CNTNAP2: variants seen among roughly 807,000 people sequenced by gnomAD.
CNTNAP2 encodes the protein contactin-associated protein-like 2.
In CNTNAP2, 98 loss-of-function variants were observed where a neutral mutation model predicts 155.2. The observed-to-expected ratio is 0.63, with a 90% CI of 0.54 to 0.75. CNTNAP2 has a LOEUF of 0.75. CNTNAP2 is among the 30% of genes least tolerant of loss of function. The pLI is 0.00. For missense variants in CNTNAP2, 1,727 were observed against 1,688.1 expected (o/e 1.02, Z -0.40); for synonymous variants, 651 against 631.2 (o/e 1.03, Z -0.47).
intron 2 of CNTNAP2, among the ~76,000 whole-genome samples, chr7:146,775,951 T>A (rs1293134700): frequency 4.6e-5 from 7 of 152,130 alleles, no homozygotes; most frequent in African/African-American, 1.7e-4. Context: ...CTGATATTCA[T>A]CAGGCTATGG....
chr7:146,926,467 T>C (rs1796611636), intron 3 of CNTNAP2, among the ~76,000 whole-genome samples: 1 of 152,110 alleles, frequency 6.6e-6, no homozygotes, highest in Non-Finnish European at 1.5e-5. Context: ...GACTGTGAGT[T>C]TCCTAGGTAG....
chr7:146,645,138 A>G (rs1209287486), intron 1 of CNTNAP2, among the ~76,000 whole-genome samples: 1 of 152,232 alleles, frequency 6.6e-6, no homozygotes, highest in Non-Finnish European at 1.5e-5. Context: ...ACTGATATGT[A>G]CTTTGATAAT....
In CNTNAP2 at chr7:146,931,183, G is replaced by A. The variant is rs764188750; in HGVS notation, c.402+91279G>A. ...TATTCCAAAATTGACCACATAGTTGGAAGTAAAGCTCTCCTCAGCAAATGT... is the reference window on the plus strand; with the variant it reads ...TATTCCAAAATTGACCACATAGTTGAAAGTAAAGCTCTCCTCAGCAAATGT... On this transcript the variant is annotated intron_variant, in intron 3 of 23. Transcript: ENST00000361727. Among the ~76,000 whole-genome samples the A allele has an allele frequency of 2.4e-3, 368 of 151,978 alleles. 4 individuals are homozygous for A. Among genetic ancestry groups the A allele is most frequent in the Middle Eastern group, 6.8e-3 (2 of 294 alleles).
chr7:148,107,073 G>C (rs980375039), intron 15 of CNTNAP2, among the ~76,000 whole-genome samples: 14 of 152,130 alleles, frequency 9.2e-5, no homozygotes, highest in African/African-American at 3.4e-4. Context: ...AAAAATCTTA[G>C]ACTTGTTCCC....
At chr7:147,509,896 C>T (rs886874261) in intron 11 of CNTNAP2, among the ~76,000 whole-genome samples, 2 of 152,028 alleles carry the variant, frequency 1.3e-5, no homozygotes, top group Admixed American at 6.6e-5. Context: ...TACTGAACTT[C>T]GATACCACCA....
At chr7:147,469,571 T>A (rs1235738812) in intron 10 of CNTNAP2, among the ~76,000 whole-genome samples, 7 of 133,498 alleles carry the variant, frequency 5.2e-5, no homozygotes, top group Non-Finnish European at 1.1e-4. Context: ...CAGGCTGGAG[T>A]GCAGTGGCGC....
chr7:148,334,171 T>C (rs1241334852), intron 21 of CNTNAP2, among the ~76,000 whole-genome samples: 1 of 152,208 alleles, frequency 6.6e-6, no homozygotes, highest in East Asian at 1.9e-4. Context: ...GAGTCTAGTT[T>C]GATCTGAGTT....
intron 10 of CNTNAP2, among the ~76,000 whole-genome samples, chr7:147,396,738 T>C (rs1796822996): frequency 6.6e-6 from 1 of 152,018 alleles, no homozygotes; most frequent in South Asian, 2.1e-4. Context: ...GAAGTTAACC[T>C]AGTGAATTTA....
At chr7:146,296,863 A>C (rs1800522186) in intron 1 of CNTNAP2, among the ~76,000 whole-genome samples, 1 of 152,124 alleles carries the variant, frequency 6.6e-6, no homozygotes, top group African/African-American at 2.4e-5. Flanking sequence ...CTTAAAGTTC[A>C]GATTTTCAGA....
At chr7:147,245,736 T>G (rs1000897576) in intron 8 of CNTNAP2, among the ~76,000 whole-genome samples, 1 of 105,394 alleles carries the variant, frequency 9.5e-6, no homozygotes, top group African/African-American at 3.8e-5. Context: ...CACTCCAGCC[T>G]AGGCAAAAGA....
chr7:147,486,114 C>CTTGATTAT, intron 11 of CNTNAP2, 73 bp downstream of exon 11: 1 of 1,264,432 alleles, frequency 7.9e-7, no homozygotes, highest in Non-Finnish European at 1.2e-6. Flanking sequence ...TGCTTTGAAG[C>CTTGATTAT]TCAGCAACCT....
intron 1 of CNTNAP2, among the ~76,000 whole-genome samples, chr7:146,600,181 G>A (rs1798928719): frequency 6.6e-6 from 1 of 152,044 alleles, no homozygotes; most frequent in African/African-American, 2.4e-5. Flanking sequence ...TTCAGGAGCA[G>A]GAAAATGAAG....
chr7:148,172,397 G>T lies in CNTNAP2; in HGVS notation c.2929G>T (p.Gly977Ter). The change falls in exon 18 of 24, where the codon GGA becomes TGA. Residue 977 changes from glycine (G) to a stop codon, truncating the protein, a stop_gained. Coordinates refer to ENST00000361727, the MANE Select transcript of CNTNAP2 (RefSeq NM_014141.6). LOFTEE classifies it high-confidence loss of function. ...CTSYGTNCEN[G>*]GKCLERYHGY... ...CAGCTATGGAACAAACTGTGAAAAT[G>T]GAGGCAAATGCCTAGAGAGATACCA... 1 of 1,614,136 alleles carries T rather than the reference G, an allele frequency of 6.2e-7. No homozygotes were observed. Among genetic ancestry groups the T allele is most frequent in the Non-Finnish European group, 8.5e-7 (1 of 1,180,032 alleles).
At chr7:146,640,291 C>T (rs10236933) in intron 1 of CNTNAP2, among the ~76,000 whole-genome samples, 106,639 of 152,126 alleles carry the variant, frequency 0.7, 38,046 homozygotes, top group South Asian at 0.84. Context: ...AGGAAAGATA[C>T]GTTTCTTCTC....
At chr7:146,204,888 G>A (rs539856832) in intron 1 of CNTNAP2, among the ~76,000 whole-genome samples, 4 of 151,980 alleles carry the variant, frequency 2.6e-5, no homozygotes, top group Admixed American at 6.6e-5. Context: ...TCAAATTGAA[G>A]CCAGACATGG....
intron 12 of CNTNAP2, among the ~76,000 whole-genome samples, chr7:147,563,231 A>C (rs1412479323): frequency 6.6e-6 from 1 of 152,228 alleles, no homozygotes; most frequent in Non-Finnish European, 1.5e-5. Context: ...GTATGAATAC[A>C]ATAAGGTAAT....
Position 147,898,095 on chromosome 7 carries a change from G to A in CNTNAP2, c.2099-5470G>A, listed in dbSNP as rs114195708. Among the ~76,000 whole-genome samples, 1,481 of 152,258 alleles carry A rather than the reference G, an allele frequency of 9.7e-3. 29 individuals carry two copies. Among genetic ancestry groups the A allele is most frequent in the African/African-American group, 0.034 (1,397 of 41,534 alleles). ...TTCTTTAATGTGGGTGCCAAAAATG[G>A]TCATGCCAAGGGAAAATAATAACTT... On this transcript the variant is annotated intron_variant, in intron 13 of 23. Transcript: ENST00000361727.
At position 148,243,595 on chromosome 7, in the gene CNTNAP2, C is replaced by CCTCTT. The variant is rs1796198581; in HGVS notation, c.3381+13817_3381+13821dup. 1.3e-5 allele frequency among the ~76,000 whole-genome samples: 2 copies of CCTCTT among 152,008 alleles called. 1 individual carries two copies. The highest frequency in any genetic ancestry group is 4.1e-4 in the South Asian group (2 of 4,822). On this transcript the variant is annotated intron_variant, in intron 20 of 23. Transcript: ENST00000361727. The stretch of plus-strand genomic sequence containing the variant: ...GAGAGAGCGCTTGTGGAGGGGAATG[C>CCTCTT]CTCTTTTTAAACCCGTCAGATCTCG...
rs530403349 is a variant in CNTNAP2, at chr7:147,095,180, T to A, written c.551-12967T>A. On this transcript the variant is annotated intron_variant, in intron 4 of 23. Coordinates refer to ENST00000361727, the MANE Select transcript of CNTNAP2 (RefSeq NM_014141.6). The stretch of plus-strand genomic sequence containing the variant: ...GACTATAGGCATGCACCACCACGCC[T>A]GGCTAATTTTTTTTTTTTTTTTTTT... Among the ~76,000 whole-genome samples the A allele has an allele frequency of 3.4e-4, 46 of 135,092 alleles. 1 individual carries two copies. The Admixed American group carries it at 3.8e-3, about 11-fold the overall frequency. The allele number at this position is 135,092 out of a possible 152,430, so 88.6% of individuals were successfully genotyped here.
Sources: allele counts gnomAD v4.1 joint callset (sites outside exome capture counted in the v4.1 genomes callset), GRCh38; gene constraint gnomAD v4.1.1; transcripts MANE v1.5; gene names NCBI Gene and HGNC (gene_info 2026-07-23, HGNC 2026-07-21).